The following PCDH15 variants were observed in gnomAD, a reference collection of about 807,000 sequenced individuals.
The protein encoded by PCDH15 is protocadherin-15.
PCDH15 carries 129 observed loss-of-function variants against 178.5 expected under a neutral mutation model. The observed-to-expected ratio is 0.72, with a 90% CI of 0.63 to 0.84. The LOEUF (loss-of-function observed/expected upper bound fraction) is 0.84. Ranked by LOEUF, PCDH15 falls within the 40% of genes least tolerant of loss-of-function variation. The pLI, the probability that PCDH15 is intolerant of heterozygous loss-of-function variation, is 0.00. For missense variants in PCDH15, 2,230 were observed against 2,099.9 expected, an observed-to-expected ratio of 1.06 and a Z score of -1.21; for synonymous variants, 800 against 732.0, an observed-to-expected ratio of 1.09 and a Z score of -1.50.
chr10:55,610,370 G>C (rs1843341829), intron 2 of PCDH15, among the ~76,000 whole-genome samples: 1 of 152,024 alleles, frequency 6.6e-6, no homozygotes, highest in South Asian at 2.1e-4. Context: ...GGTTCCATGT[G>C]ATTATTCACA....
chr10:55,414,742 C>T (rs1013709585), intron 2 of PCDH15, among the ~76,000 whole-genome samples: 1 of 149,202 alleles, frequency 6.7e-6, no homozygotes, highest in Admixed American at 6.7e-5. Context: ...TGTAACTTTA[C>T]TGAATTCATA....
At chr10:55,363,371 A>G (rs1042764909) in intron 2 of PCDH15, among the ~76,000 whole-genome samples, 1 of 152,196 alleles carries the variant, frequency 6.6e-6, no homozygotes, top group Non-Finnish European at 1.5e-5. Flanking sequence ...TAAAGTGACT[A>G]TCAATAGTCA....
intron 17 of PCDH15, among the ~76,000 whole-genome samples, chr10:54,076,167 C>A (rs1467877635): frequency 6.6e-5 from 10 of 151,930 alleles, no homozygotes; most frequent in Admixed American, 5.2e-4. Flanking sequence ...TTATACAAGT[C>A]TTTTATCTCC....
chr10:54,251,450 C>T (rs2056463600), intron 8 of PCDH15, among the ~76,000 whole-genome samples: 1 of 152,154 alleles, frequency 6.6e-6, no homozygotes, highest in Non-Finnish European at 1.5e-5. Flanking sequence ...ACATTTTTAT[C>T]TGGCTCTCTG....
chr10:54,528,022 A>AGTTTTT (rs2132669975), intron 2 of PCDH15, 145 bp from the exon 3 acceptor site: 1 of 675,704 alleles, frequency 1.5e-6, no homozygotes, highest in East Asian at 2.7e-5. Flanking sequence ...ATATTATTTA[A>AGTTTTT]AAACATTTTA....
At chr10:55,575,824 C>G (rs1004615798) in intron 2 of PCDH15, 4 of 152,284 alleles carry the variant, frequency 2.6e-5, no homozygotes, top group African/African-American at 9.6e-5. Context: ...ATCAGCCTTA[C>G]TTCTTCAAGG....
At chr10:54,457,602 G>A (rs1392178057) in intron 3 of PCDH15, among the ~76,000 whole-genome samples, 1 of 151,950 alleles carries the variant, frequency 6.6e-6, no homozygotes. Context: ...TTTTCTTCTG[G>A]TAAATGAAAG....
intron 1 of PCDH15, among the ~76,000 whole-genome samples, chr10:54,697,515 G>GTGTATATATATA (rs1555156234): frequency 7.0e-6 from 1 of 143,054 alleles, no homozygotes; most frequent in African/African-American, 2.6e-5. Context: ...TGAAATGTGT[G>GTGTATATATATA]TATATATATA....
intron 1 of PCDH15, among the ~76,000 whole-genome samples, chr10:55,210,573 G>C (rs1248326864): frequency 7.2e-6 from 1 of 138,008 alleles, no homozygotes; most frequent in Non-Finnish European, 1.6e-5. Context: ...GGAAAAAAAA[G>C]CTAATTGAAT....
intron 2 of PCDH15, among the ~76,000 whole-genome samples, chr10:54,905,436 A>AG (rs1205883727): frequency 3.9e-5 from 6 of 152,142 alleles, no homozygotes; most frequent in Admixed American, 3.9e-4. Flanking sequence ...GGAGTTTCCA[A>AG]GCATGCTGTC....
At chr10:53,890,006 C>T (rs2081439627) in intron 26 of PCDH15, among the ~76,000 whole-genome samples, 1 of 152,194 alleles carries the variant, frequency 6.6e-6, no homozygotes, top group African/African-American at 2.4e-5. Flanking sequence ...GTTTCTTGAC[C>T]TGGGCACTGG....
chr10:55,199,065 A>C (rs1411690200), intron 1 of PCDH15, among the ~76,000 whole-genome samples: 1 of 152,102 alleles, frequency 6.6e-6, no homozygotes, highest in Non-Finnish European at 1.5e-5. Flanking sequence ...ATGCCTGAAA[A>C]GGTGGAAGCA....
chr10:55,569,249 T>C (rs1379284879), intron 2 of PCDH15, among the ~76,000 whole-genome samples: 1 of 152,002 alleles, frequency 6.6e-6, no homozygotes. Context: ...GATATTAAAA[T>C]TACCTATGCA....
chr10:55,351,597 C>T (rs1019423629), intron 2 of PCDH15, among the ~76,000 whole-genome samples: 1 of 152,110 alleles, frequency 6.6e-6, no homozygotes, highest in African/African-American at 2.4e-5. Flanking sequence ...CAAGCCACTT[C>T]AAGTCTCTTT....
At chr10:54,335,260 T>G (rs1020616591) in intron 6 of PCDH15, among the ~76,000 whole-genome samples, 1 of 152,192 alleles carries the variant, frequency 6.6e-6, no homozygotes, top group Non-Finnish European at 1.5e-5. Context: ...TGTTAAAACA[T>G]GTCCCTGGCT....
chr10:54,592,488 C>T (rs1005223922), intron 2 of PCDH15, among the ~76,000 whole-genome samples: 2 of 152,046 alleles, frequency 1.3e-5, no homozygotes, highest in African/African-American at 4.8e-5. Flanking sequence ...AGCTAATTAA[C>T]ATATCCATCA....
At chr10:55,437,426 G>A (rs1839067883) in intron 2 of PCDH15, among the ~76,000 whole-genome samples, 1 of 152,150 alleles carries the variant, frequency 6.6e-6, no homozygotes, top group Non-Finnish European at 1.5e-5. Context: ...TAGTTACAAG[G>A]AAGCTAAAAA....
chr10:54,205,481 T>TTGTGTGTGTGTGTGTGTGTGTGTG lies in PCDH15; in HGVS notation c.1098+8431_1098+8454dup, dbSNP rs71461223. Among the ~76,000 whole-genome samples the TTGTGTGTGTGTGTGTGTGTGTGTG allele has an allele frequency of 4.4e-3, 593 of 135,152 alleles. 11 individuals carry two copies. Among genetic ancestry groups the TTGTGTGTGTGTGTGTGTGTGTGTG allele is most frequent in the Non-Finnish European group, 6.2e-3 (390 of 63,170 alleles). 88.7% of individuals were successfully genotyped at this position (135,152 alleles called of 152,430 possible). On this transcript the variant is annotated intron_variant, in intron 10 of 37. Transcript: ENST00000644397. Reference sequence around the variant, plus strand: ...AACAGGTTATCAGGTTATATTTCCTTTGTGTGTGTGTGTGTGTGTGTGTGT... The same window carrying TTGTGTGTGTGTGTGTGTGTGTGTG: ...AACAGGTTATCAGGTTATATTTCCTTTGTGTGTGTGTGTGTGTGTGTGTGTGTGTGTGTGTGTGTGTGTGTGTGT...
intron 1 of PCDH15, among the ~76,000 whole-genome samples, chr10:54,749,145 AAT>A (rs199888258): frequency 0.21 from 32,171 of 151,968 alleles, 3,897 homozygotes; most frequent in East Asian, 0.34. Flanking sequence ...TTAGCCTTAT[AAT>A]TCCCAGGCCA....
Sources: gnomAD v4.1 joint callset for allele counts (sites outside exome capture counted in the v4.1 genomes callset) on GRCh38, gnomAD v4.1.1 for gene constraint, MANE v1.5 for transcripts, NCBI Gene and HGNC (gene_info 2026-07-23, HGNC 2026-07-21) for gene names.